Variants in COL23A1 observed in about 807,000 individuals in gnomAD.
COL23A1 encodes the protein collagen alpha-1(XXIII) chain.
In COL23A1, 97 loss-of-function variants were observed where a neutral mutation model predicts 99.3. The observed-to-expected ratio is 0.98, with a 90% CI of 0.83 to 1.16. COL23A1 has a LOEUF of 1.16. COL23A1 is among the 50% of genes most tolerant of loss of function. The probability of loss-of-function intolerance (pLI) is 0.00; values close to 1 mark genes in which losing one functional copy is unlikely to be tolerated. For missense variants in COL23A1, 762 were observed against 757.4 expected (o/e 1.01, Z -0.07); for synonymous variants, 320 against 308.2 (o/e 1.04, Z -0.40).
intron 2 of COL23A1, among the ~76,000 whole-genome samples, chr5:178,445,308 T>C (rs1447264412): frequency 6.6e-6 from 1 of 152,200 alleles, no homozygotes; most frequent in Non-Finnish European, 1.5e-5. Flanking sequence ...ATTTCTTTGT[T>C]TCACTGATTT....
intron 2 of COL23A1, among the ~76,000 whole-genome samples, chr5:178,493,356 C>T (rs1024086218): frequency 1.3e-5 from 2 of 152,246 alleles, no homozygotes; most frequent in African/African-American, 4.8e-5. Context: ...GCAAAGGACT[C>T]ATGCTTTGTA....
At chr5:178,489,404 T>G (rs1204101268) in intron 2 of COL23A1, among the ~76,000 whole-genome samples, 1 of 152,230 alleles carries the variant, frequency 6.6e-6, no homozygotes, top group South Asian at 2.1e-4. Flanking sequence ...CGTTCAGACT[T>G]GGACTGAGCC....
In COL23A1 at chr5:178,415,279, G is replaced by A. The variant is rs1231384349; in HGVS notation, c.362-108360C>T. Among the ~76,000 whole-genome samples the A allele has an allele frequency of 1.3e-5, 2 of 152,186 alleles. No homozygotes were observed. Among genetic ancestry groups the A allele is most frequent in the South Asian group, 2.1e-4 (1 of 4,832 alleles). ...TACAGTGCTCAGTGGGGACGAGCCC[G>A]CCTTGCTGGGTGAGTGACGTGGGTC... On this transcript the variant is annotated intron_variant, in intron 2 of 28. Coordinates refer to ENST00000390654, the MANE Select transcript of COL23A1 (RefSeq NM_173465.4). This position sits in a 1 kb window ranked among gnomAD's most constrained non-coding sequence, Gnocchi z 4.6.
chr5:178,482,966 G>C (rs1174428062), intron 2 of COL23A1, among the ~76,000 whole-genome samples: 1 of 152,098 alleles, frequency 6.6e-6, no homozygotes, highest in East Asian at 1.9e-4. Flanking sequence ...CAGCTACTTG[G>C]GAGGCTAAGG....
rs144654029 is a variant in COL23A1, at chr5:178,566,918, G to T, written c.295-6170C>A. Among the ~76,000 whole-genome samples the T allele has an allele frequency of 9.8e-5, 15 of 152,288 alleles. 1 individual carries two copies. In the East Asian group the frequency reaches 2.9e-3, roughly 29 times the overall value. On this transcript the variant is annotated intron_variant, in intron 1 of 28. Coordinates refer to ENST00000390654, the MANE Select transcript of COL23A1 (RefSeq NM_173465.4). Reference sequence around the variant, plus strand: ...TAGGCGGTAAAGATGTTTCTCACAGGGATTCAGGTTAGCAATTTTGAAACT... The same window carrying T: ...TAGGCGGTAAAGATGTTTCTCACAGTGATTCAGGTTAGCAATTTTGAAACT...
chr5:178,516,795 G>A (rs1248009501), intron 2 of COL23A1, among the ~76,000 whole-genome samples: 1 of 152,080 alleles, frequency 6.6e-6, no homozygotes, highest in African/African-American at 2.4e-5. Context: ...TTGAGGGACC[G>A]TGCCCACCTT....
rs995817089 is a variant in COL23A1 at position 178,428,126 on chromosome 5, C to A, written c.362-121207G>T. 6.6e-6 allele frequency among the ~76,000 whole-genome samples: 1 copy of A among 152,196 alleles called. No homozygotes were observed. Among genetic ancestry groups the A allele is most frequent in the South Asian group, 2.1e-4 (1 of 4,830 alleles). Reference sequence around the variant, plus strand: ...AGCAATGAGGGTATCATCAAAAGCCCACATCTATGCTCACTGGCTCAGATA... The same window carrying A: ...AGCAATGAGGGTATCATCAAAAGCCAACATCTATGCTCACTGGCTCAGATA... On this transcript the variant is annotated intron_variant, in intron 2 of 28. Transcript: ENST00000390654. This position sits in a 1 kb window ranked among gnomAD's most constrained non-coding sequence, Gnocchi z 5.0.
chr5:178,547,487 A>ACAAC (rs1761659724), intron 2 of COL23A1, among the ~76,000 whole-genome samples: 1 of 133,670 alleles, frequency 7.5e-6, no homozygotes, highest in African/African-American at 2.8e-5. Context: ...CCACACACAC[A>ACAAC]CCCACACATC....
chr5:178,293,060 T>G, intron 3 of COL23A1, among the ~76,000 whole-genome samples: 3 of 147,392 alleles, frequency 2.0e-5, no homozygotes, highest in African/African-American at 5.0e-5. Flanking sequence ...GAGAAGGGGG[T>G]TGAGGGATGT....
At chr5:178,254,610 C>T (rs1765207762) in intron 16 of COL23A1, among the ~76,000 whole-genome samples, 1 of 152,212 alleles carries the variant, frequency 6.6e-6, no homozygotes, top group Non-Finnish European at 1.5e-5. Context: ...GGAGACCTAG[C>T]CCTCCAGCCA....
intron 1 of COL23A1, among the ~76,000 whole-genome samples, chr5:178,566,744 A>T (rs538428595): frequency 3.3e-5 from 5 of 151,266 alleles, no homozygotes; most frequent in African/African-American, 1.2e-4. Context: ...TGAACCCGGG[A>T]GGCGAAGGTT....
In COL23A1 at chr5:178,387,958, G is replaced by A. The variant is rs952896111; in HGVS notation, c.362-81039C>T. ...GCCAGTGAAGGACAGAAATGGGCAA[G>A]TGGGAGGAGATTGATGCAGAAAGCC... On this transcript the variant is annotated intron_variant, in intron 2 of 28. Coordinates refer to ENST00000390654, the MANE Select transcript of COL23A1 (RefSeq NM_173465.4). This position sits in a 1 kb window ranked among gnomAD's most constrained non-coding sequence, Gnocchi z 4.7. Among the ~76,000 whole-genome samples, 1 of 152,172 alleles carries A rather than the reference G, an allele frequency of 6.6e-6. No homozygotes were observed. Among genetic ancestry groups the A allele is most frequent in the East Asian group, 1.9e-4 (1 of 5,194 alleles).
chr5:178,318,771 G>A (rs1324065785), intron 2 of COL23A1, among the ~76,000 whole-genome samples: 7 of 152,080 alleles, frequency 4.6e-5, no homozygotes, highest in East Asian at 1.9e-4. Flanking sequence ...GTGTGGTGGC[G>A]GGCGCCTGTA....
At chr5:178,272,930 G>A (rs975937383) in intron 5 of COL23A1, among the ~76,000 whole-genome samples, 5 of 152,206 alleles carry the variant, frequency 3.3e-5, no homozygotes, top group African/African-American at 1.2e-4. Flanking sequence ...TGTAAGGTAC[G>A]TGTCATCATC....
chr5:178,424,160 TC>T (rs1228491804), intron 2 of COL23A1, among the ~76,000 whole-genome samples: 3 of 152,182 alleles, frequency 2.0e-5, no homozygotes, highest in African/African-American at 7.2e-5. Context: ...TCAAGCAGCC[TC>T]CCTTGCAGGC....
chr5:178,363,631 T>G (rs1173593159), intron 2 of COL23A1, among the ~76,000 whole-genome samples: 15 of 152,154 alleles, frequency 9.9e-5, no homozygotes, highest in Admixed American at 1.3e-4. Flanking sequence ...AAACACTCCC[T>G]CGACCCACAG....
intron 2 of COL23A1, among the ~76,000 whole-genome samples, chr5:178,542,540 A>G (rs957742454): frequency 1.3e-5 from 2 of 152,204 alleles, no homozygotes; most frequent in Non-Finnish European, 2.9e-5. Flanking sequence ...GAAAGAACAG[A>G]AAGACCAGAG....
At chr5:178,348,208 G>A (rs1485995593) in intron 2 of COL23A1, among the ~76,000 whole-genome samples, 2 of 152,062 alleles carry the variant, frequency 1.3e-5, no homozygotes, top group Admixed American at 6.6e-5. Context: ...GGGCTTGGGC[G>A]GGCTCTTCCC....
intron 2 of COL23A1, among the ~76,000 whole-genome samples, chr5:178,444,624 G>A (rs925016532): frequency 2.0e-5 from 3 of 151,864 alleles, no homozygotes; most frequent in South Asian, 2.1e-4. Context: ...GTGAAAAGCC[G>A]TCTCTACTAA....
Sources: gnomAD v4.1 joint callset for allele counts (sites outside exome capture counted in the v4.1 genomes callset) on GRCh38, gnomAD v4.1.1 for gene constraint, Gnocchi (gnomAD v3.1) non-coding constraint, MANE v1.5 for transcripts, NCBI Gene and HGNC (gene_info 2026-07-23, HGNC 2026-07-21) for gene names.